Variants in TEX14 observed in about 807,000 individuals in gnomAD.
The protein encoded by TEX14 is testis expressed 14, intercellular bridge forming factor.
Under a neutral mutation model 178.6 loss-of-function variants are expected in TEX14, and 168 were observed. The ratio of observed to expected loss-of-function variants is 0.94; its 90% confidence interval spans 0.83 to 1.07. The LOEUF (loss-of-function observed/expected upper bound fraction) is 1.07. Ranked by LOEUF, TEX14 falls within the 50% of genes least tolerant of loss-of-function variation. TEX14 has a pLI of 0.00. For missense variants in TEX14, 1,730 were observed against 1,753.6 expected (o/e 0.99, Z 0.24); for synonymous variants, 626 against 634.1 (o/e 0.99, Z 0.19).
Position 58,584,600 on chromosome 17 carries a change from C to T in TEX14, c.3071G>A (p.Ser1024Asn), listed in dbSNP as rs531422646. The change falls in exon 19 of 32, where the codon AGT becomes AAT. Residue 1024 changes from serine to asparagine, a missense_variant and splice_region_variant. Physicochemically the swap from Ser to Asn is conservative, Grantham distance 46 (BLOSUM62 1). Transcript: ENST00000349033. ...TTGTCTGGGAGATGGGTGCCTGATACCTAATGATTGTAACACAGTCAGGGT... is the reference window on the plus strand; with the variant it reads ...TTGTCTGGGAGATGGGTGCCTGATATCTAATGATTGTAACACAGTCAGGGT... ...GRQPRLGSFT[S>N]IRHPSPRQKE... 16 of 1,611,382 alleles carry T rather than the reference C, an allele frequency of 9.9e-6. No individual in the cohort carries two copies. The East Asian group carries it at 3.6e-4, about 36-fold the overall frequency.
intron 1 of TEX14, among the ~76,000 whole-genome samples, chr17:58,673,224 T>C (rs898709580): frequency 3.5e-4 from 53 of 151,582 alleles, no homozygotes; most frequent in Admixed American, 1.3e-3. Context: ...CTTATGCCTG[T>C]ATTCCCAGCA....
At position 58,599,029 on chromosome 17, in the gene TEX14, C is replaced by T; in HGVS notation, c.2316G>A (p.Trp772Ter). Residue 772 changes from tryptophan (W) to a stop codon, truncating the protein, a stop_gained, in exon 14 of 32, where the codon TGG becomes TGA. Coordinates refer to ENST00000349033, the MANE Select transcript of TEX14 (RefSeq NM_031272.5). LOFTEE classifies it high-confidence loss of function. Reference sequence around the variant, plus strand: ...CATTTGTAAACTCTCTTGAAGTGGCCCATAAAGACATGCGCTCTTCCTGTT... The same window carrying T: ...CATTTGTAAACTCTCTTGAAGTGGCTCATAAAGACATGCGCTCTTCCTGTT... The part of the protein sequence containing the change: ...QKEQEERMSL[W>*]ATSREFTNAY... 4.3e-6 allele frequency: 7 copies of T among 1,613,760 alleles called. No individual in the cohort carries two copies. Among genetic ancestry groups the T allele is most frequent in the Non-Finnish European group, 5.1e-6 (6 of 1,179,934 alleles).
chr17:58,646,496 TTTTC>T (rs752501018), intron 2 of TEX14, among the ~76,000 whole-genome samples: 7 of 152,104 alleles, frequency 4.6e-5, no homozygotes, highest in Non-Finnish European at 7.3e-5. Flanking sequence ...CATCAACTCC[TTTTC>T]TTTTTCTTTT....
intron 2 of TEX14, among the ~76,000 whole-genome samples, chr17:58,637,095 T>C (rs995589139): frequency 6.6e-6 from 1 of 150,524 alleles, no homozygotes; most frequent in Non-Finnish European, 1.5e-5. Context: ...GGCATGATGG[T>C]GGGCGCCTGT....
At chr17:58,587,727 G>T in intron 16 of TEX14, 61 bp from the exon 17 acceptor site, 2 of 1,310,878 alleles carry the variant, frequency 1.5e-6, no homozygotes, top group South Asian at 1.2e-5. Context: ...ACATCAGTTT[G>T]CTCAAGTTCT....
intron 11 of TEX14, 64 bp downstream of exon 11, chr17:58,604,914 T>TG: frequency 6.4e-7 from 1 of 1,559,250 alleles, no homozygotes; most frequent in East Asian, 2.2e-5. Context: ...GTAACTCCTG[T>TG]GGGGGGAGAA....
rs547163410 is a variant in TEX14 at position 58,666,324 on chromosome 17, G to A, written c.-1-14322C>T. Among the ~76,000 whole-genome samples the A allele has an allele frequency of 2.0e-5, 3 of 152,006 alleles. No individual in the cohort carries two copies. In the East Asian group the frequency reaches 5.8e-4, roughly 29 times the overall value. On this transcript the variant is annotated intron_variant, in intron 1 of 31. Coordinates refer to ENST00000349033, the MANE Select transcript of TEX14 (RefSeq NM_031272.5). ...GATTGCTCCACTGCACTCCAGCCTG[G>A]AAAATAGAGCAAGACTGTGTCCCAA...
intron 1 of TEX14, chr17:58,677,735 G>C (rs2047418285): frequency 6.6e-6 from 1 of 151,126 alleles, no homozygotes; most frequent in Non-Finnish European, 1.5e-5. Flanking sequence ...GCCCGGTAAA[G>C]TGGAAGGCAT....
At chr17:58,669,310 C>G (rs2047264167) in intron 1 of TEX14, among the ~76,000 whole-genome samples, 1 of 151,526 alleles carries the variant, frequency 6.6e-6, no homozygotes, top group African/African-American at 2.4e-5. Context: ...CGAGATCATG[C>G]CACTGCACTC....
chr17:58,663,108 CAAA>C (rs113078995), intron 1 of TEX14, among the ~76,000 whole-genome samples: 8 of 76,850 alleles, frequency 1.0e-4, no homozygotes, highest in Admixed American at 1.5e-4. Context: ...GACTCCGTCT[CAAA>C]AAAAAAAAAA....
intron 14 of TEX14, among the ~76,000 whole-genome samples, chr17:58,594,848 C>T (rs1358445783): frequency 1.3e-5 from 2 of 151,442 alleles, no homozygotes; most frequent in Non-Finnish European, 2.9e-5. Context: ...CTCTACTTAT[C>T]CCAATTTTAA....
intron 8 of TEX14, among the ~76,000 whole-genome samples, 161 bp from the exon 9 acceptor site, chr17:58,613,705 G>T (rs2045803532): frequency 6.6e-6 from 1 of 152,016 alleles, no homozygotes; most frequent in Admixed American, 6.6e-5. Flanking sequence ...GTATTGCCCA[G>T]TCTGGAGTGC....
chr17:58,616,291 C>T lies in TEX14; in HGVS notation c.651G>A (p.Gly217=), dbSNP rs770024578. The T allele has an allele frequency of 4.3e-6, 7 of 1,613,200 alleles. No homozygotes were observed. The highest frequency in any genetic ancestry group is 5.9e-6 in the Non-Finnish European group (7 of 1,179,722). Reference sequence around the variant, plus strand: ...ATCCTAGATAGGCCATCTGTGTCGCCCCAGTAAGATAAAACTGAAACCAAG... The same window carrying T: ...ATCCTAGATAGGCCATCTGTGTCGCTCCAGTAAGATAAAACTGAAACCAAG... The part of the protein sequence containing the change: ...SFGFGKFYLT[G]ATQMAYLGSL... The change falls in exon 7 of 32, where the codon GGG becomes GGA. Residue 217 remains glycine (G), a synonymous_variant. Coordinates refer to ENST00000349033, the MANE Select transcript of TEX14 (RefSeq NM_031272.5).
intron 15 of TEX14, among the ~76,000 whole-genome samples, chr17:58,593,265 T>C (rs1030923302): frequency 1.3e-5 from 2 of 152,212 alleles, no homozygotes; most frequent in Non-Finnish European, 2.9e-5. Context: ...TGTTTGTTTT[T>C]ATAAGAAAAA....
At chr17:58,611,030 A>G in intron 10 of TEX14, 131 bp downstream of exon 10, 1 of 658,934 alleles carries the variant, frequency 1.5e-6, no homozygotes, top group Non-Finnish European at 2.7e-6. Context: ...CATTTGGGAC[A>G]GGTTCAGCAA....
intron 14 of TEX14, among the ~76,000 whole-genome samples, chr17:58,598,485 T>C (rs2045346867): frequency 6.6e-6 from 1 of 152,202 alleles, no homozygotes. Context: ...TTGACCATTT[T>C]AACTAATAAA....
chr17:58,665,223 C>A (rs2047183951), intron 1 of TEX14, among the ~76,000 whole-genome samples: 1 of 152,036 alleles, frequency 6.6e-6, no homozygotes, highest in Non-Finnish European at 1.5e-5. Flanking sequence ...AGCTCCTGGT[C>A]TCAAGCCATC....
rs968050349 is a variant in TEX14 at position 58,618,120 on chromosome 17, C to T, written c.555-501G>A. Among the ~76,000 whole-genome samples the T allele has an allele frequency of 3.3e-5, 5 of 152,334 alleles. No individual in the cohort carries two copies. The South Asian group carries it at 1.0e-3, about 32-fold the overall frequency. ...CTAACTAACATCTTAACTGCAACTT[C>T]ATTAGAAACTCTGAGCCAGAACAAC... On this transcript the variant is annotated intron_variant, in intron 5 of 31. Coordinates refer to ENST00000349033, the MANE Select transcript of TEX14 (RefSeq NM_031272.5).
intron 29 of TEX14, 74 bp from the exon 30 acceptor site, chr17:58,559,636 A>C (rs2044231686): frequency 2.7e-6 from 2 of 730,596 alleles, no homozygotes; most frequent in Non-Finnish European, 4.9e-6. Context: ...CTCAAAACAA[A>C]AAACAAACAA....
Sources: allele counts gnomAD v4.1 joint callset (sites outside exome capture counted in the v4.1 genomes callset), GRCh38; gene constraint gnomAD v4.1.1; transcripts MANE v1.5; gene names NCBI Gene and HGNC (gene_info 2026-07-23, HGNC 2026-07-21).